Variants in MEOX2 observed in about 807,000 individuals in gnomAD.
MEOX2 encodes the protein homeobox protein MOX-2.
Under a neutral mutation model 27.0 loss-of-function variants are expected in MEOX2, and 11 were observed. The ratio of observed to expected loss-of-function variants is 0.41; its 90% CI spans 0.26 to 0.68. The LOEUF is 0.68. Among genes scored for constraint, MEOX2 ranks in the 30% least tolerant of loss-of-function variants. The pLI is 0.33. For synonymous variants in MEOX2, 189 were observed against 155.4 expected (o/e 1.22, Z -1.61); for missense variants, 436 against 385.4 (o/e 1.13, Z -1.10).
In MEOX2 at chr7:15,612,527, G is replaced by T. The variant is rs1193001492; in HGVS notation, c.775C>A (p.Leu259Met). 6.2e-7 allele frequency: 1 copy of T among 1,614,070 alleles called. No individual in the cohort carries two copies. Among genetic ancestry groups the T allele is most frequent in the African/African-American group, 1.3e-5 (1 of 75,020 alleles). The change falls in exon 3 of 3, where the codon CTG (leucine) becomes ATG (methionine). Residue 259 changes from leucine (L) to methionine (M), a missense_variant. Leu to Met is a conservative substitution (Grantham distance 15). Transcript: ENST00000262041. The part of the protein sequence containing the change: ...QQGAAAREKE[L>M]VNVKKGTLLP... Reference sequence around the variant, plus strand: ...AGTGTTCCCTTTTTCACATTCACCAGTTCCTTTTCCCGAGCCGCAGCTCCT... The same window carrying T: ...AGTGTTCCCTTTTTCACATTCACCATTTCCTTTTCCCGAGCCGCAGCTCCT...
At chr7:15,637,901 A>AT (rs1781509312) in intron 1 of MEOX2, among the ~76,000 whole-genome samples, 1 of 152,076 alleles carries the variant, frequency 6.6e-6, no homozygotes, top group Non-Finnish European at 1.5e-5. Context: ...TATCTGAGAT[A>AT]TAGTATCAAT....
chr7:15,633,801 T>C (rs1422487409), intron 1 of MEOX2, among the ~76,000 whole-genome samples: 3 of 151,872 alleles, frequency 2.0e-5, no homozygotes, highest in Non-Finnish European at 4.4e-5. Context: ...AACTTATGAG[T>C]ATGAATTTTG....
intron 1 of MEOX2, among the ~76,000 whole-genome samples, chr7:15,651,069 G>A (rs913503848): frequency 6.6e-6 from 1 of 151,908 alleles, no homozygotes; most frequent in African/African-American, 2.4e-5. Context: ...GAGAGATGAG[G>A]CTTGGACCAG....
At chr7:15,661,012 CAAAAAAAAAAA>C (rs71004402) in intron 1 of MEOX2, among the ~76,000 whole-genome samples, 15 of 44,338 alleles carry the variant, frequency 3.4e-4, no homozygotes, top group South Asian at 1.8e-3. Flanking sequence ...GACTCAGTCT[CAAAAAAAAAAA>C]AAAAAAAAAA....
intron 2 of MEOX2, among the ~76,000 whole-genome samples, chr7:15,616,306 A>G (rs181587519): frequency 5.9e-5 from 9 of 152,048 alleles, no homozygotes; most frequent in Non-Finnish European, 5.9e-5. Flanking sequence ...AAATAGAAGG[A>G]AGAATATAGA....
intron 1 of MEOX2, among the ~76,000 whole-genome samples, chr7:15,651,171 A>G (rs1781727003): frequency 6.6e-6 from 1 of 152,028 alleles, no homozygotes; most frequent in South Asian, 2.1e-4. Context: ...AGTGGGGAAT[A>G]AAATAGGTTT....
intron 1 of MEOX2, among the ~76,000 whole-genome samples, chr7:15,641,120 A>G (rs887311880): frequency 2.0e-5 from 3 of 152,068 alleles, no homozygotes; most frequent in Non-Finnish European, 2.9e-5. Flanking sequence ...TATGTCTGGT[A>G]GAATTTGGCT....
At chr7:15,621,577 T>C (rs1781223459) in intron 2 of MEOX2, among the ~76,000 whole-genome samples, 1 of 152,228 alleles carries the variant, frequency 6.6e-6, no homozygotes, top group Admixed American at 6.5e-5. Flanking sequence ...ATATACCTTA[T>C]GTTTTTCTAA....
Position 15,686,563 on chromosome 7 carries a change from C to T in MEOX2, c.-161G>A. 1 of 671,010 alleles carries T rather than the reference C, an allele frequency of 1.5e-6. No homozygotes were observed. The highest frequency in any genetic ancestry group is 2.5e-6 in the Non-Finnish European group (1 of 400,286). The allele number at this position is 671,010 out of a possible 1,614,324, so 41.6% of individuals were successfully genotyped here. On this transcript the variant is annotated 5_prime_UTR_variant, in exon 1 of 3. Transcript: ENST00000262041. ...GCTCGGATAATCCCGGTCCTGAGCC[C>T]CAGCGGCCAGTCTCCTTTACATATG... is the stretch of plus-strand genomic sequence containing the variant.
At chr7:15,627,101 A>G (rs886660071) in intron 1 of MEOX2, among the ~76,000 whole-genome samples, 183 bp from the exon 2 acceptor site, 1 of 151,912 alleles carries the variant, frequency 6.6e-6, no homozygotes. Flanking sequence ...TATTTTTTTC[A>G]TCTTCCTTCA....
rs962367985 is a variant in MEOX2, at chr7:15,633,592, G to A, written c.518-6674C>T. ...CATGCAACAGGAAAACTTCCATGGA[G>A]TTTTTTATTTATATTATGAAAGACA... On this transcript the variant is annotated intron_variant, in intron 1 of 2. Coordinates refer to ENST00000262041, the MANE Select transcript of MEOX2 (RefSeq NM_005924.5). 4.0e-5 allele frequency among the ~76,000 whole-genome samples: 6 copies of A among 151,854 alleles called. No individual in the cohort carries two copies. The South Asian group carries it at 8.3e-4, about 21-fold the overall frequency.
chr7:15,645,056 G>T (rs1460228113), intron 1 of MEOX2, among the ~76,000 whole-genome samples: 2 of 152,118 alleles, frequency 1.3e-5, no homozygotes, highest in South Asian at 2.1e-4. Context: ...ACCTAATAAA[G>T]AAAGAAGATT....
chr7:15,645,428 A>G (rs1460491563), intron 1 of MEOX2, among the ~76,000 whole-genome samples: 1 of 152,216 alleles, frequency 6.6e-6, no homozygotes, highest in African/African-American at 2.4e-5. Context: ...TTTATATCCA[A>G]ATACCGAAAT....
At chr7:15,647,862 T>C (rs1263028325) in intron 1 of MEOX2, among the ~76,000 whole-genome samples, 1 of 152,142 alleles carries the variant, frequency 6.6e-6, no homozygotes, top group Non-Finnish European at 1.5e-5. Context: ...CATTAGCTCA[T>C]CTTCTAATAA....
intron 1 of MEOX2, chr7:15,668,361 T>G (rs1018202323): frequency 6.6e-6 from 1 of 152,242 alleles, no homozygotes; most frequent in Non-Finnish European, 1.5e-5. Context: ...CTTTACTTTA[T>G]TGTAAGAATA....
At chr7:15,632,632 T>C (rs534948086) in intron 1 of MEOX2, among the ~76,000 whole-genome samples, 11 of 152,016 alleles carry the variant, frequency 7.2e-5, no homozygotes, top group African/African-American at 2.6e-4. Flanking sequence ...CAGAGACACA[T>C]AAAATAGGAA....
At chr7:15,647,623 C>T (rs542742546) in intron 1 of MEOX2, among the ~76,000 whole-genome samples, 1 of 152,162 alleles carries the variant, frequency 6.6e-6, no homozygotes, top group South Asian at 2.1e-4. Context: ...ACTAAAGCTG[C>T]TGTGAACAGT....
At chr7:15,678,914 C>T (rs1363586919) in intron 1 of MEOX2, 2 of 151,956 alleles carry the variant, frequency 1.3e-5, no homozygotes, top group East Asian at 3.9e-4. Context: ...TTCCTTGTAG[C>T]ATTATGGGAT....
At chr7:15,674,394 TAGA>T (rs1043118640) in intron 1 of MEOX2, among the ~76,000 whole-genome samples, 4 of 152,006 alleles carry the variant, frequency 2.6e-5, no homozygotes, top group Non-Finnish European at 5.9e-5. Flanking sequence ...GGGAAAAATA[TAGA>T]AGAATATGGA....
Sources: gnomAD v4.1 joint callset for allele counts (sites outside exome capture counted in the v4.1 genomes callset) on GRCh38, gnomAD v4.1.1 for gene constraint, MANE v1.5 for transcripts, NCBI Gene and HGNC (gene_info 2026-07-23, HGNC 2026-07-21) for gene names.